The following ITFG1 variants were observed in gnomAD, a reference collection of about 807,000 sequenced individuals.
The protein encoded by ITFG1 is T-cell immunomodulatory protein.
In ITFG1, 34 loss-of-function variants were observed where a neutral mutation model predicts 81.8. That is an observed-to-expected ratio of 0.42 (90% confidence interval 0.32 to 0.55). ITFG1 has a LOEUF of 0.55. Among genes scored for constraint, ITFG1 ranks in the 20% least tolerant of loss-of-function variants. The pLI, the probability that ITFG1 is intolerant of heterozygous loss-of-function variation, is 0.17. For missense variants in ITFG1, 672 were observed against 755.4 expected, an observed-to-expected ratio of 0.89 and a Z score of 1.29; for synonymous variants, 285 against 270.6, an observed-to-expected ratio of 1.05 and a Z score of -0.52.
intron 6 of ITFG1, among the ~76,000 whole-genome samples, chr16:47,393,750 T>G (rs960172600): frequency 1.3e-5 from 2 of 152,176 alleles, no homozygotes; most frequent in African/African-American, 4.8e-5. Flanking sequence ...AAGAAATTTT[T>G]TTTGGTTTTT....
At chr16:47,333,346 T>G (rs549603712) in intron 8 of ITFG1, among the ~76,000 whole-genome samples, 2 of 152,324 alleles carry the variant, frequency 1.3e-5, no homozygotes, top group South Asian at 4.1e-4. Context: ...CTAAGTTCAT[T>G]ATCCAAGGAT....
In ITFG1 at chr16:47,266,378, C is replaced by T. The variant is rs1176957097; in HGVS notation, c.1071-5683G>A. On this transcript the variant is annotated intron_variant, in intron 10 of 17. Transcript: ENST00000320640. Reference sequence around the variant, plus strand: ...AATTACAGGCGCCTGCAATCATGCCCGGCTAATTTTTGTACTTTTAGTAGA... The same window carrying T: ...AATTACAGGCGCCTGCAATCATGCCTGGCTAATTTTTGTACTTTTAGTAGA... Among the ~76,000 whole-genome samples the T allele has an allele frequency of 5.9e-5, 9 of 152,034 alleles. No homozygotes were observed. In the South Asian group the frequency reaches 1.5e-3, roughly 25 times the overall value.
rs201212993 is a variant in ITFG1 at position 47,234,641 on chromosome 16, G to GA, written c.1374+3323dup. The stretch of plus-strand genomic sequence containing the variant: ...AACCGCAAAAAATCAAAAACGAAGA[G>GA]AAAATCTTGAAACAAGCCAGAAAAA... On this transcript the variant is annotated intron_variant, in intron 13 of 17. Transcript: ENST00000320640. Among the ~76,000 whole-genome samples the GA allele has an allele frequency of 5.8e-3, 884 of 152,144 alleles. 7 individuals carry two copies. The highest frequency in any genetic ancestry group is 0.02 in the African/African-American group (842 of 41,490).
chr16:47,394,300 C>T (rs573945115), intron 6 of ITFG1, among the ~76,000 whole-genome samples: 41 of 152,212 alleles, frequency 2.7e-4, no homozygotes, highest in East Asian at 2.5e-3. Context: ...ATTACTAAAT[C>T]GATGAGAAAA....
chr16:47,234,573 GGATA>G (rs1015219416), intron 13 of ITFG1, among the ~76,000 whole-genome samples: 1 of 150,504 alleles, frequency 6.6e-6, no homozygotes, highest in Non-Finnish European at 1.5e-5. Flanking sequence ...ACACCAAGCA[GGATA>G]AATATTGAAA....
chr16:47,162,402 C>A, intron 15 of ITFG1, 138 bp downstream of exon 15: 1 of 728,432 alleles, frequency 1.4e-6, no homozygotes, highest in Non-Finnish European at 2.1e-6. Context: ...ATAAATTTTT[C>A]TTTATTCTTT....
At chr16:47,385,014 C>T (rs562467418) in intron 6 of ITFG1, among the ~76,000 whole-genome samples, 1 of 152,350 alleles carries the variant, frequency 6.6e-6, no homozygotes, top group South Asian at 2.1e-4. Flanking sequence ...ACTATTGGAA[C>T]AGAGCTGGCA....
chr16:47,435,758 C>T (rs896342125), intron 5 of ITFG1, among the ~76,000 whole-genome samples: 2 of 152,202 alleles, frequency 1.3e-5, no homozygotes, highest in Admixed American at 6.5e-5. Flanking sequence ...GGTCTTCAAA[C>T]ATCTTTGCCC....
intron 14 of ITFG1, among the ~76,000 whole-genome samples, chr16:47,211,016 C>T (rs920493788): frequency 6.6e-6 from 1 of 152,130 alleles, no homozygotes; most frequent in Non-Finnish European, 1.5e-5. Context: ...AGCTCCTTGG[C>T]CTTTCCATAT....
chr16:47,402,059 C>G (rs1024482582), intron 6 of ITFG1, among the ~76,000 whole-genome samples: 1 of 152,134 alleles, frequency 6.6e-6, no homozygotes, highest in African/African-American at 2.4e-5. Flanking sequence ...AGGGCAGAGA[C>G]GTCTAGTTTT....
At chr16:47,302,547 T>C (rs897010146) in intron 10 of ITFG1, among the ~76,000 whole-genome samples, 1 of 152,196 alleles carries the variant, frequency 6.6e-6, no homozygotes, top group African/African-American at 2.4e-5. Context: ...TTCAGCCCTA[T>C]GTCCAAGATC....
chr16:47,410,831 C>T (rs190120541), intron 6 of ITFG1, among the ~76,000 whole-genome samples: 10 of 152,296 alleles, frequency 6.6e-5, no homozygotes, highest in Admixed American at 5.9e-4. Flanking sequence ...AGGGGTTTTG[C>T]GTGCAGGGCA....
At chr16:47,319,617 T>G (rs1353008303) in intron 8 of ITFG1, among the ~76,000 whole-genome samples, 2 of 152,204 alleles carry the variant, frequency 1.3e-5, no homozygotes, top group African/African-American at 4.8e-5. Flanking sequence ...ATTATTGTTT[T>G]TTTTGCAGAA....
intron 10 of ITFG1, among the ~76,000 whole-genome samples, chr16:47,276,560 T>C (rs922671563): frequency 6.6e-6 from 1 of 152,200 alleles, no homozygotes; most frequent in East Asian, 1.9e-4. Flanking sequence ...GGGACAAGAA[T>C]AGTCAAGACA....
chr16:47,236,153 G>A (rs1435545201), intron 13 of ITFG1, among the ~76,000 whole-genome samples: 1 of 152,112 alleles, frequency 6.6e-6, no homozygotes, highest in African/African-American at 2.4e-5. Context: ...TTAAGATAAG[G>A]AGACAGGAAG....
chr16:47,268,760 A>G (rs1006491346), intron 10 of ITFG1, among the ~76,000 whole-genome samples: 2 of 152,246 alleles, frequency 1.3e-5, no homozygotes, highest in African/African-American at 4.8e-5. Context: ...TTCAGTGAAC[A>G]CAGCATCTTG....
At chr16:47,222,514 C>G (rs547079258) in intron 13 of ITFG1, among the ~76,000 whole-genome samples, 1 of 151,428 alleles carries the variant, frequency 6.6e-6, no homozygotes, top group South Asian at 2.1e-4. Context: ...CCCAGGTTCA[C>G]GCCATTCTCC....
chr16:47,199,478 T>G (rs764521242), intron 14 of ITFG1, among the ~76,000 whole-genome samples: 2 of 152,220 alleles, frequency 1.3e-5, no homozygotes, highest in Admixed American at 6.5e-5. Context: ...CTGTTTTCAC[T>G]GTACCTTTTC....
At chr16:47,183,570 G>A (rs1173148273) in intron 14 of ITFG1, among the ~76,000 whole-genome samples, 1 of 152,198 alleles carries the variant, frequency 6.6e-6, no homozygotes, top group East Asian at 1.9e-4. Flanking sequence ...ACCTGCAGCT[G>A]AGGGTCCTGT....
Sources: gnomAD v4.1 joint callset for allele counts (sites outside exome capture counted in the v4.1 genomes callset) on GRCh38, gnomAD v4.1.1 for gene constraint, MANE v1.5 for transcripts, NCBI Gene and HGNC (gene_info 2026-07-23, HGNC 2026-07-21) for gene names.